Variants in PPARGC1A observed in about 807,000 individuals in gnomAD.
PPARGC1A encodes the protein peroxisome proliferator-activated receptor gamma coactivator 1-alpha.
Under a neutral mutation model 88.7 loss-of-function variants are expected in PPARGC1A, and 25 were observed. That is an observed-to-expected ratio of 0.28 (90% confidence interval 0.21 to 0.39). PPARGC1A has a LOEUF of 0.39. Ranked by LOEUF, PPARGC1A falls within the 10% of genes least tolerant of loss-of-function variation. The pLI, the probability that PPARGC1A is intolerant of heterozygous loss-of-function variation, is 1.00. For missense variants in PPARGC1A, 880 were observed against 968.7 expected (o/e 0.91, Z 1.22); for synonymous variants, 363 against 355.6 (o/e 1.02, Z -0.24).
the PPARGC1A span, among the ~76,000 whole-genome samples, chr4:24,382,781 C>A: frequency 1.3e-5 from 2 of 152,212 alleles, no homozygotes; most frequent in Non-Finnish European, 2.9e-5. Flanking sequence ...GGACAGAGCA[C>A]CTGGGGGAAG....
the PPARGC1A span, among the ~76,000 whole-genome samples, chr4:23,918,759 T>C: frequency 6.6e-6 from 1 of 152,302 alleles, no homozygotes; most frequent in Admixed American, 6.5e-5. Flanking sequence ...TCAGAAATTG[T>C]TTAAAAAATA....
At chr4:23,971,012 T>C in the PPARGC1A span, among the ~76,000 whole-genome samples, 1 of 152,174 alleles carries the variant, frequency 6.6e-6, no homozygotes, top group Non-Finnish European at 1.5e-5. Flanking sequence ...AGTACTCCCA[T>C]GCCCACCGCA....
the PPARGC1A span, among the ~76,000 whole-genome samples, chr4:24,053,237 A>G: frequency 6.6e-6 from 1 of 151,920 alleles, no homozygotes; most frequent in East Asian, 1.9e-4. Flanking sequence ...AGAAGGTCCA[A>G]CCAATACCTC....
the PPARGC1A span, among the ~76,000 whole-genome samples, chr4:24,117,980 C>T: frequency 6.6e-6 from 1 of 152,130 alleles, no homozygotes; most frequent in Non-Finnish European, 1.5e-5. Flanking sequence ...TTCCACACGA[C>T]AAGAGCAACA....
the PPARGC1A span, among the ~76,000 whole-genome samples, chr4:24,170,225 T>C: frequency 6.6e-6 from 1 of 152,140 alleles, no homozygotes; most frequent in Non-Finnish European, 1.5e-5. Flanking sequence ...AGTTAGTCCC[T>C]CACAGTTGGG....
At chr4:23,859,642 G>A (rs1004330229) in intron 2 of PPARGC1A, among the ~76,000 whole-genome samples, 10 of 151,822 alleles carry the variant, frequency 6.6e-5, no homozygotes, top group African/African-American at 9.7e-5. Flanking sequence ...TTAGCCCAGC[G>A]TGGTGGCGGG....
At chr4:24,461,710 G>C in the PPARGC1A span, among the ~76,000 whole-genome samples, 3 of 151,964 alleles carry the variant, frequency 2.0e-5, no homozygotes, top group African/African-American at 7.2e-5. Context: ...AAATTTCATT[G>C]AATGAAAAAA....
At chr4:24,446,256 T>C in the PPARGC1A span, among the ~76,000 whole-genome samples, 2 of 152,130 alleles carry the variant, frequency 1.3e-5, no homozygotes, top group African/African-American at 4.8e-5. Context: ...GTTTTTTACT[T>C]TTTTATAATA....
At chr4:23,852,073 C>A (rs1000577253) in intron 2 of PPARGC1A, among the ~76,000 whole-genome samples, 4 of 152,136 alleles carry the variant, frequency 2.6e-5, no homozygotes, top group Non-Finnish European at 4.4e-5. Flanking sequence ...CTACTTGTCC[C>A]CATCATGCAG....
At chr4:24,451,845 G>A in the PPARGC1A span, among the ~76,000 whole-genome samples, 2 of 152,116 alleles carry the variant, frequency 1.3e-5, no homozygotes, top group Non-Finnish European at 2.9e-5. Flanking sequence ...CAAAGTGCTC[G>A]GATTACAGGC....
the PPARGC1A span, among the ~76,000 whole-genome samples, chr4:24,093,617 T>C: frequency 6.6e-6 from 1 of 152,232 alleles, no homozygotes; most frequent in Admixed American, 6.5e-5. Flanking sequence ...ACCAGTCATA[T>C]GGTTCTTACC....
the PPARGC1A span, among the ~76,000 whole-genome samples, chr4:24,333,792 G>A: frequency 1.2e-3 from 178 of 152,082 alleles, no homozygotes; most frequent in African/African-American, 4.0e-3. Context: ...AAATTAGCCA[G>A]GTGTAGTGGC....
chr4:24,035,272 G>A, the PPARGC1A span, among the ~76,000 whole-genome samples: 1 of 152,246 alleles, frequency 6.6e-6, no homozygotes, highest in African/African-American at 2.4e-5. Context: ...AGGTGTGGTG[G>A]CACACGTCTG....
At chr4:24,298,087 A>G in the PPARGC1A span, among the ~76,000 whole-genome samples, 1 of 152,156 alleles carries the variant, frequency 6.6e-6, no homozygotes, top group Non-Finnish European at 1.5e-5. Context: ...AGCTCCAATT[A>G]GAGTCAGTAG....
the PPARGC1A span, among the ~76,000 whole-genome samples, chr4:24,130,366 T>A: frequency 6.6e-6 from 1 of 152,138 alleles, no homozygotes; most frequent in South Asian, 2.1e-4. Context: ...AGTTCAAACC[T>A]GGGCAATCTG....
the PPARGC1A span, among the ~76,000 whole-genome samples, chr4:24,408,144 A>T: frequency 6.6e-6 from 1 of 152,154 alleles, no homozygotes; most frequent in Admixed American, 6.5e-5. Context: ...AACAGTTTAC[A>T]AGAGGAAGAT....
the PPARGC1A span, among the ~76,000 whole-genome samples, chr4:24,246,530 G>A: frequency 1.5e-3 from 222 of 152,256 alleles, 1 homozygote; most frequent in Non-Finnish European, 9.6e-4. Flanking sequence ...TGGGAGGATC[G>A]CTTAAGCCTG....
intron 2 of PPARGC1A, among the ~76,000 whole-genome samples, chr4:23,858,198 T>C (rs1438114714): frequency 6.6e-6 from 1 of 152,038 alleles, no homozygotes; most frequent in Non-Finnish European, 1.5e-5. Flanking sequence ...CCCCCTCTAT[T>C]CCAGGCACTA....
the PPARGC1A span, among the ~76,000 whole-genome samples, chr4:23,957,681 A>G: frequency 6.6e-6 from 1 of 152,048 alleles, no homozygotes; most frequent in Non-Finnish European, 1.5e-5. Flanking sequence ...AATGCCACCT[A>G]CTGTCTGATG....
Sources: allele counts gnomAD v4.1 joint callset (sites outside exome capture counted in the v4.1 genomes callset), GRCh38; gene constraint gnomAD v4.1.1; transcripts MANE v1.5; gene names NCBI Gene and HGNC (gene_info 2026-07-23, HGNC 2026-07-21).